KHDC1: variants seen among roughly 807,000 people sequenced by gnomAD.
The protein encoded by KHDC1 is KH homology domain-containing protein 1.
KHDC1 carries 21 observed loss-of-function variants against 24.7 expected under a neutral mutation model. That is an observed-to-expected ratio of 0.85 (90% confidence interval 0.60 to 1.23). The LOEUF is 1.23. Among genes scored for constraint, KHDC1 ranks in the 50% most tolerant of loss-of-function variants. KHDC1 has a pLI of 0.00. For missense variants in KHDC1, 274 were observed against 298.5 expected (o/e 0.92, Z 0.61); for synonymous variants, 98 against 111.7 (o/e 0.88, Z 0.77).
chr6:73,256,786 A>G (rs374187315), intron 2 of KHDC1, among the ~76,000 whole-genome samples: 17 of 152,348 alleles, frequency 1.1e-4, no homozygotes, highest in African/African-American at 4.1e-4. Flanking sequence ...ATAAGTTTCA[A>G]TAGGTGTCTA....
At chr6:73,296,034 C>T (rs1361282144) in intron 1 of KHDC1, among the ~76,000 whole-genome samples, 9 of 151,386 alleles carry the variant, frequency 5.9e-5, no homozygotes, top group Non-Finnish European at 1.0e-4. Flanking sequence ...CCCAGCTACT[C>T]GGGAGGCTGA....
At chr6:73,248,810 C>G (rs1310194507) in intron 2 of KHDC1, among the ~76,000 whole-genome samples, 1 of 152,060 alleles carries the variant, frequency 6.6e-6, no homozygotes, top group African/African-American at 2.4e-5. Flanking sequence ...CTGTTTCCAT[C>G]TGTCCTGTGG....
At chr6:73,243,677 C>T (rs1210631545) in intron 2 of KHDC1, among the ~76,000 whole-genome samples, 1 of 152,212 alleles carries the variant, frequency 6.6e-6, no homozygotes, top group Non-Finnish European at 1.5e-5. Context: ...TGAAATCATG[C>T]CCCAACTCTA....
exon 1 of KHDC1, chr6:73,309,678 A>G (rs1344630209): frequency 8.1e-5 from 125 of 1,549,994 alleles, no homozygotes; most frequent in Non-Finnish European, 1.0e-4. Context: ...TCAATCACAA[A>G]TAAGACTCGG....
chr6:73,278,009 GT>G (rs70994182), intron 2 of KHDC1, among the ~76,000 whole-genome samples: 24,865 of 106,230 alleles, frequency 0.23, 2,064 homozygotes, highest in African/African-American at 0.35. Context: ...TCTCTCGGGT[GT>G]TTTTTTTTTT....
intron 2 of KHDC1, among the ~76,000 whole-genome samples, chr6:73,266,409 A>G (rs1166579254): frequency 1.3e-5 from 2 of 152,236 alleles, no homozygotes; most frequent in African/African-American, 4.8e-5. Context: ...GCATGGATAT[A>G]TGTTGTCATT....
chr6:73,242,506 T>A, exon 3 of KHDC1: 1 of 1,614,138 alleles, frequency 6.2e-7, no homozygotes, highest in Non-Finnish European at 8.5e-7. Flanking sequence ...GAGCACTCGT[T>A]CCCATGTCCA....
chr6:73,247,386 A>G (rs1054211755), intron 2 of KHDC1, among the ~76,000 whole-genome samples: 2 of 152,180 alleles, frequency 1.3e-5, no homozygotes, highest in Non-Finnish European at 1.5e-5. Flanking sequence ...TAGCTCCAAA[A>G]TAAAATGTTT....
intron 2 of KHDC1, among the ~76,000 whole-genome samples, chr6:73,277,873 A>AAC (rs1303451507): frequency 6.6e-6 from 1 of 151,836 alleles, no homozygotes; most frequent in Non-Finnish European, 1.5e-5. Flanking sequence ...CAAAAAAAAA[A>AAC]AAAAATCACT....
intron 1 of KHDC1, chr6:73,293,150 T>G (rs1320641404): frequency 1.3e-6 from 1 of 769,470 alleles, no homozygotes; most frequent in Non-Finnish European, 2.3e-6. Context: ...TATCAGCAAG[T>G]GATTGAAAAG....
exon 4 of KHDC1, chr6:73,242,198 C>T (rs764492118): frequency 2.5e-6 from 4 of 1,613,880 alleles, no homozygotes; most frequent in Non-Finnish European, 3.4e-6. Flanking sequence ...AAGGGTGTGG[C>T]TGTGCACCTC....
rs139528627 is a variant in KHDC1, at chr6:73,248,364, GTCTC to G, written c.207-5838_207-5835del. Among the ~76,000 whole-genome samples the G allele has an allele frequency of 2.0e-3, 293 of 147,172 alleles. 3 individuals are homozygous for G. Among genetic ancestry groups the G allele is most frequent in the Middle Eastern group, 3.5e-3 (1 of 284 alleles). On this transcript the variant is annotated intron_variant, in intron 2 of 4. Coordinates refer to ENST00000370384, the Ensembl canonical transcript of KHDC1. ...AATCCGATGTTCCACTTCTCTCTCT[GTCTC>G]TCTCTCTCTCTCTCTCCTCTATCTG...
At chr6:73,291,090 A>G in intron 2 of KHDC1, 1 of 467,624 alleles carries the variant, frequency 2.1e-6, no homozygotes, top group Admixed American at 2.4e-5. Context: ...CTGTAGTGCA[A>G]GTTTACTGCT....
chr6:73,303,114 C>T (rs1304127532), intron 1 of KHDC1, among the ~76,000 whole-genome samples: 5 of 152,108 alleles, frequency 3.3e-5, no homozygotes, highest in East Asian at 1.9e-4. Flanking sequence ...CTGTCATTTT[C>T]GGTGACATGG....
At chr6:73,249,242 T>C (rs1033890909) in intron 2 of KHDC1, among the ~76,000 whole-genome samples, 3 of 152,016 alleles carry the variant, frequency 2.0e-5, no homozygotes, top group Non-Finnish European at 2.9e-5. Context: ...GATCATGCCA[T>C]TGCACTCCAG....
Position 73,262,763 on chromosome 6 carries a change from T to C in KHDC1, c.207-20233A>G. On this transcript the variant is annotated intron_variant, in intron 2 of 4. Coordinates refer to ENST00000370384, the Ensembl canonical transcript of KHDC1. Reference sequence around the variant, plus strand: ...TAGTAAGAAATGTGCAAGATCTAGATGAAGACCCACCAGATAGGATGCTCT... The same window carrying C: ...TAGTAAGAAATGTGCAAGATCTAGACGAAGACCCACCAGATAGGATGCTCT... The C allele has an allele frequency of 1.0e-6, 1 of 985,488 alleles. No homozygotes were observed. The highest frequency in any genetic ancestry group is 5.2e-4 in the Middle Eastern group (1 of 1,914). The allele number at this position is 985,488 out of a possible 1,614,324, so 61.0% of individuals were successfully genotyped here.
chr6:73,248,297 T>G (rs1766709271), intron 2 of KHDC1, among the ~76,000 whole-genome samples: 2 of 152,224 alleles, frequency 1.3e-5, no homozygotes, highest in East Asian at 3.9e-4. Context: ...TCCCCCTTCC[T>G]GCTCCCTCTT....
intron 2 of KHDC1, among the ~76,000 whole-genome samples, chr6:73,246,552 T>C (rs1437130308): frequency 6.6e-6 from 1 of 152,186 alleles, no homozygotes; most frequent in Non-Finnish European, 1.5e-5. Context: ...CCCAGGGACT[T>C]TACCCCATTA....
intron 1 of KHDC1, among the ~76,000 whole-genome samples, chr6:73,296,606 T>C (rs545797964): frequency 3.9e-5 from 6 of 152,296 alleles, no homozygotes; most frequent in Admixed American, 6.5e-5. Flanking sequence ...ACGTATACTT[T>C]TTAATTTACA....
Sources: gnomAD v4.1 joint callset for allele counts (sites outside exome capture counted in the v4.1 genomes callset) on GRCh38, gnomAD v4.1.1 for gene constraint, MANE v1.5 for transcripts, NCBI Gene and HGNC (gene_info 2026-07-23, HGNC 2026-07-21) for gene names.